The following PDS5B variants were observed in gnomAD, a reference collection of about 807,000 sequenced individuals.
PDS5B encodes the protein PDS5 cohesin associated factor B.
PDS5B carries 51 observed loss-of-function variants against 184.1 expected under a neutral mutation model. The observed-to-expected ratio is 0.28, with a 90% CI of 0.22 to 0.35. The LOEUF (loss-of-function observed/expected upper bound fraction) is 0.35, where lower values mean the gene tolerates loss of function less well. PDS5B is among the 10% of genes least tolerant of loss of function. The pLI is 1.00. For missense variants in PDS5B, 1,180 were observed against 1,723.3 expected, an observed-to-expected ratio of 0.68 and a Z score of 5.58; for synonymous variants, 566 against 569.2, an observed-to-expected ratio of 0.99 and a Z score of 0.08.
chr13:32,645,972 A>T (rs1950209151), intron 1 of PDS5B, among the ~76,000 whole-genome samples: 1 of 148,296 alleles, frequency 6.7e-6, no homozygotes, highest in Non-Finnish European at 1.5e-5. Context: ...TTTCACTTTG[A>T]TGTGTGTGTG....
intron 1 of PDS5B, among the ~76,000 whole-genome samples, chr13:32,598,284 A>G (rs2057912617): frequency 6.6e-6 from 1 of 151,934 alleles, no homozygotes; most frequent in African/African-American, 2.4e-5. Flanking sequence ...TATGTTGGCC[A>G]GGCTGGTCTC....
intron 19 of PDS5B, among the ~76,000 whole-genome samples, chr13:32,717,602 C>A (rs1261030096): frequency 3.6e-5 from 5 of 137,922 alleles, no homozygotes; most frequent in Admixed American, 7.4e-5. Flanking sequence ...CCTTTGTTCA[C>A]TTGTTTATCT....
chr13:32,699,721 T>C lies in PDS5B; in HGVS notation c.1601-9T>C, dbSNP rs1951812860. On this transcript the variant is annotated splice_polypyrimidine_tract_variant and intron_variant, in intron 15 of 34. Transcript: ENST00000315596. ...AATTGATTTTAATTGAACTTTAATT[T>C]ATTTTAAGGAAATTTACCTGATCCT... The C allele has an allele frequency of 6.9e-7, 1 of 1,445,444 alleles. No individual in the cohort carries two copies. The allele number at this position is 1,445,444 out of a possible 1,614,324, so 89.5% of individuals were successfully genotyped here.
chr13:32,694,154 T>C (rs1951632748), intron 13 of PDS5B, 69 bp from the exon 14 acceptor site: 1 of 1,021,364 alleles, frequency 9.8e-7, no homozygotes. Flanking sequence ...TTAAATTATA[T>C]AGTAGTAATA....
intron 11 of PDS5B, among the ~76,000 whole-genome samples, chr13:32,685,952 A>G (rs575563242): frequency 2.6e-5 from 4 of 152,170 alleles, no homozygotes; most frequent in Non-Finnish European, 5.9e-5. Context: ...AAATCTTATA[A>G]GACCTGTAGA....
chr13:32,721,293 G>A (rs1308749239), intron 19 of PDS5B, among the ~76,000 whole-genome samples: 2 of 151,218 alleles, frequency 1.3e-5, no homozygotes, highest in African/African-American at 4.9e-5. Flanking sequence ...CAGACGGGGT[G>A]GCTGCCGGGC....
intron 1 of PDS5B, among the ~76,000 whole-genome samples, chr13:32,591,408 C>T (rs1454500016): frequency 1.3e-5 from 2 of 152,174 alleles, no homozygotes; most frequent in Non-Finnish European, 2.9e-5. Flanking sequence ...TGAGCCACCA[C>T]GTCCGGCCTA....
chr13:32,759,478 T>A (rs374746244), intron 28 of PDS5B, 150 bp from the exon 29 acceptor site: 16 of 464,378 alleles, frequency 3.4e-5, no homozygotes, highest in Middle Eastern at 4.8e-4. Context: ...TTAACCTTAT[T>A]ACAGTAGTTA....
chr13:32,646,819 G>A (rs1950240773), intron 1 of PDS5B, among the ~76,000 whole-genome samples: 1 of 151,880 alleles, frequency 6.6e-6, no homozygotes, highest in Non-Finnish European at 1.5e-5. Context: ...GTTTTCATTT[G>A]GCTAATTTGC....
chr13:32,725,938 A>T lies in PDS5B; in HGVS notation c.2124-6163A>T, dbSNP rs1952884446. ...CATTTTAAAGTTATTTGGAATAATA[A>T]TTCTTTGGGTGGTTATGCTAGCACA... is the stretch of plus-strand genomic sequence containing the variant. On this transcript the variant is annotated intron_variant, in intron 19 of 34. Coordinates refer to ENST00000315596, the MANE Select transcript of PDS5B (RefSeq NM_015032.4). 3.3e-5 allele frequency among the ~76,000 whole-genome samples: 5 copies of T among 152,160 alleles called. No individual in the cohort carries two copies. The South Asian group carries it at 6.2e-4, about 19-fold the overall frequency.
In PDS5B at chr13:32,598,770, CTT is replaced by C. The variant is rs756301581; in HGVS notation, c.-20+12194_-20+12195del. 8.9e-3 allele frequency among the ~76,000 whole-genome samples: 1,122 copies of C among 126,288 alleles called. 6 individuals carry two copies. Among genetic ancestry groups the C allele is most frequent in the African/African-American group, 0.023 (782 of 34,026 alleles). The allele number at this position is 126,288 out of a possible 152,430, so 82.8% of individuals were successfully genotyped here. On this transcript the variant is annotated intron_variant, in intron 1 of 34. Coordinates refer to ENST00000315596, the MANE Select transcript of PDS5B (RefSeq NM_015032.4). ...TCTCAGTTGATGGTTTTTTTTCTCTCTTTTTTTTTTTTTTTTTTGAGACAGAG... is the reference window on the plus strand; with the variant it reads ...TCTCAGTTGATGGTTTTTTTTCTCTCTTTTTTTTTTTTTTTTGAGACAGAG...
chr13:32,637,560 A>G (rs537183915), intron 1 of PDS5B, among the ~76,000 whole-genome samples: 69 of 152,302 alleles, frequency 4.5e-4, no homozygotes, highest in African/African-American at 1.4e-3. Context: ...TTTATGGAGT[A>G]TGTATTAAAA....
rs376852287 is a variant in PDS5B, at chr13:32,603,718, C to A, written c.-20+17125C>A. 9.2e-5 allele frequency among the ~76,000 whole-genome samples: 14 copies of A among 152,296 alleles called. No individual in the cohort carries two copies. In the East Asian group the frequency reaches 2.7e-3, roughly 29 times the overall value. Reference sequence around the variant, plus strand: ...GCCATTTTCACAGTATTGATTCTTTCTATCCATGAGCATGGAATGTTTGTG... The same window carrying A: ...GCCATTTTCACAGTATTGATTCTTTATATCCATGAGCATGGAATGTTTGTG... On this transcript the variant is annotated intron_variant, in intron 1 of 34. Transcript: ENST00000315596.
intron 1 of PDS5B, among the ~76,000 whole-genome samples, chr13:32,639,741 G>A (rs1314660597): frequency 6.6e-6 from 1 of 152,204 alleles, no homozygotes; most frequent in East Asian, 1.9e-4. Context: ...TTGTGGCGAA[G>A]ACTGCCTTCT....
At position 32,770,680 on chromosome 13, in the gene PDS5B, T is replaced by A. The variant is rs753762563; in HGVS notation, c.4091T>A (p.Ile1364Asn). The change falls in exon 33 of 35, where the codon ATT becomes AAT. Residue 1364 changes from isoleucine (I) to asparagine (N), a missense_variant. By Grantham distance (149) the Ile-to-Asn change is moderately radical (BLOSUM62 -3). Coordinates refer to ENST00000315596, the MANE Select transcript of PDS5B (RefSeq NM_015032.4). ...QRAESPESSA[I>N]ESTQSTPQKG... ...GCAGAATCTCCTGAATCTAGTGCAA[T>A]TGAATCCACACAGTCCACACCACAG... The A allele has an allele frequency of 1.2e-4, 186 of 1,611,608 alleles. No individual in the cohort carries two copies. The highest frequency in any genetic ancestry group is 1.6e-4 in the Non-Finnish European group (183 of 1,178,910).
In PDS5B at chr13:32,643,195, A is replaced by G. The variant is rs199931205; in HGVS notation, c.-19-5559A>G. 1.4e-4 allele frequency among the ~76,000 whole-genome samples: 22 copies of G among 152,192 alleles called. No individual in the cohort carries two copies. The East Asian group carries it at 2.1e-3, about 15-fold the overall frequency. ...GAAGAGAAGCTTATCACATTTATCA[A>G]TCCATTTATCAATCTTTCCCTGGAG... On this transcript the variant is annotated intron_variant, in intron 1 of 34. Transcript: ENST00000315596.
At chr13:32,666,637 A>T (rs891876638) in intron 6 of PDS5B, among the ~76,000 whole-genome samples, 5 of 152,106 alleles carry the variant, frequency 3.3e-5, no homozygotes, top group Non-Finnish European at 5.9e-5. Flanking sequence ...ATACTTTGAC[A>T]CCATAAATAT....
intron 20 of PDS5B, 52 bp downstream of exon 20, chr13:32,732,276 A>T: frequency 8.0e-7 from 1 of 1,243,866 alleles, no homozygotes; most frequent in Non-Finnish European, 1.2e-6. Flanking sequence ...GTTACAAAAC[A>T]AATATTGATG....
At position 32,768,638 on chromosome 13, in the gene PDS5B, C is replaced by T. The variant is rs377189082; in HGVS notation, c.3625-1483C>T. 2.6e-5 allele frequency among the ~76,000 whole-genome samples: 4 copies of T among 151,302 alleles called. No individual in the cohort carries two copies. The East Asian group carries it at 7.8e-4, about 30-fold the overall frequency. ...CAAAACCCCATCTCTGCTAAAAATA[C>T]AAAAATTAGCCACGCATGGTGGCAC... On this transcript the variant is annotated intron_variant, in intron 31 of 34. Coordinates refer to ENST00000315596, the MANE Select transcript of PDS5B (RefSeq NM_015032.4).
Sources: allele counts gnomAD v4.1 joint callset (sites outside exome capture counted in the v4.1 genomes callset), GRCh38; gene constraint gnomAD v4.1.1; transcripts MANE v1.5; gene names NCBI Gene and HGNC (gene_info 2026-07-23, HGNC 2026-07-21).